Variants in TTC23 observed in about 807,000 individuals in gnomAD.
The protein encoded by TTC23 is tetratricopeptide repeat domain 23.
In TTC23, 58 loss-of-function variants were observed where a neutral mutation model predicts 55.1. The observed-to-expected ratio is 1.05, with a 90% CI of 0.85 to 1.31. The LOEUF is 1.31. TTC23 is among the 50% of genes most tolerant of loss of function. TTC23 has a pLI of 0.00. For missense variants in TTC23, 516 were observed against 534.4 expected (o/e 0.97, Z 0.34); for synonymous variants, 203 against 199.9 (o/e 1.02, Z -0.13).
intron 9 of TTC23, among the ~76,000 whole-genome samples, chr15:99,197,424 C>T (rs1488367316): frequency 6.6e-6 from 1 of 151,812 alleles, no homozygotes; most frequent in Non-Finnish European, 1.5e-5. Context: ...TTATCATCAC[C>T]CCAGTATTCA....
intron 5 of TTC23, among the ~76,000 whole-genome samples, chr15:99,222,666 G>A (rs1286865261): frequency 6.6e-6 from 1 of 152,158 alleles, no homozygotes; most frequent in Non-Finnish European, 1.5e-5. Flanking sequence ...GGTGATCTCA[G>A]AGCAGCCATA....
intron 10 of TTC23, 151 bp from the exon 11 acceptor site, chr15:99,162,018 C>A (rs2071442293): frequency 2.7e-6 from 2 of 740,286 alleles, no homozygotes; most frequent in Admixed American, 3.7e-5. Context: ...CATTAATCTG[C>A]CTGTTTCATT....
At chr15:99,141,876 GAAAT>G (rs1254771540) in intron 12 of TTC23, among the ~76,000 whole-genome samples, 3 of 152,140 alleles carry the variant, frequency 2.0e-5, no homozygotes, top group Non-Finnish European at 4.4e-5. Flanking sequence ...ATTTGACTAA[GAAAT>G]ATACAATATC....
At position 99,218,938 on chromosome 15, in the gene TTC23, G is replaced by C; in HGVS notation, c.415C>G (p.Leu139Val). 1 of 1,614,150 alleles carries C rather than the reference G, an allele frequency of 6.2e-7. No homozygotes were observed. Among genetic ancestry groups the C allele is most frequent in the Non-Finnish European group, 8.5e-7 (1 of 1,180,002 alleles). ...NTDVFKFSIE[L>V]FHTMGRALLS... ...AAAGCTCTGCCCATGGTATGGAAAA[G>C]CTCAATGGAAAACTTGAAAACATCT... The change falls in exon 7 of 14, where the codon CTT (leucine) becomes GTT (valine). Residue 139 changes from leucine (L) to valine (V), a missense_variant. Physicochemically the swap from Leu to Val is conservative, Grantham distance 32. Coordinates refer to ENST00000394132, the MANE Select transcript of TTC23 (RefSeq NM_001288615.3).
intron 1 of TTC23, among the ~76,000 whole-genome samples, chr15:99,247,860 G>GAAA (rs1160715038): frequency 1.4e-4 from 14 of 101,668 alleles, no homozygotes; most frequent in Middle Eastern, 5.9e-3. Context: ...ATGTGGTGAT[G>GAAA]GTTGTGATTT....
At chr15:99,217,489 T>A (rs572623645) in intron 8 of TTC23, among the ~76,000 whole-genome samples, 1 of 152,220 alleles carries the variant, frequency 6.6e-6, no homozygotes, top group African/African-American at 2.4e-5. Flanking sequence ...CATAAATATA[T>A]AAAACAATAT....
chr15:99,149,622 A>C (rs1555495846), intron 12 of TTC23, among the ~76,000 whole-genome samples: 2 of 152,232 alleles, frequency 1.3e-5, no homozygotes, highest in Non-Finnish European at 1.5e-5. Flanking sequence ...CTTAAGATGC[A>C]CACTTGGTGA....
intron 8 of TTC23, among the ~76,000 whole-genome samples, chr15:99,216,563 G>T (rs2077488531): frequency 6.6e-6 from 1 of 152,052 alleles, no homozygotes; most frequent in Non-Finnish European, 1.5e-5. Context: ...AGAAAAATAA[G>T]AAGGAATACT....
At chr15:99,224,361 A>T in intron 5 of TTC23, among the ~76,000 whole-genome samples, 1 of 152,212 alleles carries the variant, frequency 6.6e-6, no homozygotes, top group East Asian at 1.9e-4. Context: ...TTGTGAATCT[A>T]TCTTTATATA....
intron 9 of TTC23, among the ~76,000 whole-genome samples, chr15:99,177,543 G>A (rs931405761): frequency 6.6e-6 from 1 of 152,076 alleles, no homozygotes; most frequent in Non-Finnish European, 1.5e-5. Flanking sequence ...CACACCCTCC[G>A]AAAAAATACC....
intron 9 of TTC23, among the ~76,000 whole-genome samples, chr15:99,196,743 A>C (rs1384581362): frequency 6.6e-6 from 1 of 152,176 alleles, no homozygotes; most frequent in East Asian, 1.9e-4. Flanking sequence ...ACCACCATCC[A>C]GTCCATTCTC....
chr15:99,229,338 AC>A (rs796938829), intron 4 of TTC23, among the ~76,000 whole-genome samples: 4 of 152,292 alleles, frequency 2.6e-5, no homozygotes, highest in African/African-American at 9.6e-5. Context: ...CCCAAAACAA[AC>A]AGATAAGCAG....
At chr15:99,220,563 A>C (rs1037889096) in intron 6 of TTC23, among the ~76,000 whole-genome samples, 5 of 152,298 alleles carry the variant, frequency 3.3e-5, no homozygotes, top group African/African-American at 9.6e-5. Context: ...GCAGAGTTTA[A>C]ATTAGATAAT....
At chr15:99,153,688 C>G (rs1229790448) in intron 12 of TTC23, among the ~76,000 whole-genome samples, 1 of 151,934 alleles carries the variant, frequency 6.6e-6, no homozygotes, top group Non-Finnish European at 1.5e-5. Context: ...ATTAAATTCC[C>G]AACTCATAAA....
chr15:99,222,165 A>C (rs2077995882), intron 5 of TTC23, among the ~76,000 whole-genome samples: 1 of 152,240 alleles, frequency 6.6e-6, no homozygotes, highest in African/African-American at 2.4e-5. Flanking sequence ...ACATCTAGTC[A>C]TTCTCTAGGT....
intron 9 of TTC23, among the ~76,000 whole-genome samples, chr15:99,183,929 G>A (rs1395862938): frequency 6.6e-6 from 1 of 152,144 alleles, no homozygotes; most frequent in Non-Finnish European, 1.5e-5. Context: ...CCCCTGCTGT[G>A]TGCAGCCTAG....
intron 1 of TTC23, among the ~76,000 whole-genome samples, chr15:99,247,540 A>G (rs987730053): frequency 1.3e-5 from 2 of 152,208 alleles, no homozygotes; most frequent in Non-Finnish European, 2.9e-5. Context: ...GGAATGAAGT[A>G]ATGAGACATA....
intron 12 of TTC23, chr15:99,144,441 G>A (rs1466535273): frequency 1.3e-5 from 2 of 152,224 alleles, no homozygotes; most frequent in Admixed American, 1.3e-4. Flanking sequence ...ATGTGCAGCT[G>A]TTACTCAGGG....
intron 11 of TTC23, chr15:99,159,768 G>A (rs1444802872): frequency 1.3e-5 from 2 of 152,244 alleles, no homozygotes; most frequent in East Asian, 3.8e-4. Context: ...AGTGTTCAGT[G>A]GTCAGATCTG....
Sources: gnomAD v4.1 joint callset for allele counts (sites outside exome capture counted in the v4.1 genomes callset) on GRCh38, gnomAD v4.1.1 for gene constraint, MANE v1.5 for transcripts, NCBI Gene and HGNC (gene_info 2026-07-23, HGNC 2026-07-21) for gene names.